TRPM3: variants seen among roughly 807,000 people sequenced by gnomAD.
TRPM3 encodes the protein transient receptor potential cation channel subfamily M member 3.
Under a neutral mutation model 181.2 loss-of-function variants are expected in TRPM3, and 77 were observed. That is an observed-to-expected ratio of 0.42 (90% confidence interval 0.35 to 0.51). The LOEUF (loss-of-function observed/expected upper bound fraction) is 0.51, where lower values mean the gene tolerates loss of function less well. Among genes scored for constraint, TRPM3 ranks in the 20% least tolerant of loss-of-function variants. The pLI, the probability that TRPM3 is intolerant of heterozygous loss-of-function variation, is 0.01. For synonymous variants in TRPM3, 745 were observed against 796.4 expected (o/e 0.94, Z 1.09); for missense variants, 1,759 against 2,196.7 (o/e 0.80, Z 3.98).
chr9:71,034,539 T>G (rs1477034623), intron 1 of TRPM3, among the ~76,000 whole-genome samples: 1 of 151,762 alleles, frequency 6.6e-6, no homozygotes, highest in Non-Finnish European at 1.5e-5. Context: ...ATATCTAGGG[T>G]GTAAGGGTGG....
At chr9:70,822,122 T>C (rs932283873) in intron 6 of TRPM3, among the ~76,000 whole-genome samples, 1 of 152,222 alleles carries the variant, frequency 6.6e-6, no homozygotes, top group African/African-American at 2.4e-5. Flanking sequence ...CACCTTATCT[T>C]TCCACCAGAA....
chr9:70,810,892 T>C (rs1469761495), intron 6 of TRPM3, among the ~76,000 whole-genome samples: 2 of 152,174 alleles, frequency 1.3e-5, no homozygotes, highest in East Asian at 3.9e-4. Context: ...ATAGTATATA[T>C]GAAAATGCCT....
rs562004998 is a variant in TRPM3, at chr9:71,160,227, C to G, written c.183+286426G>C. Among the ~76,000 whole-genome samples the G allele has an allele frequency of 2.0e-5, 3 of 152,236 alleles. No homozygotes were observed. In the East Asian group the frequency reaches 5.8e-4, roughly 29 times the overall value. ...TCAAATCTTTGCTCAAATATCACTT[C>G]AATTCTCAATGAATTATTCTTGACC... is the stretch of plus-strand genomic sequence containing the variant. On this transcript the variant is annotated intron_variant, in intron 1 of 24. Coordinates refer to the TRPM3 transcript ENST00000357533.
intron 1 of TRPM3, among the ~76,000 whole-genome samples, chr9:71,008,213 A>C (rs1314779356): frequency 2.0e-5 from 3 of 152,144 alleles, no homozygotes; most frequent in Non-Finnish European, 4.4e-5. Context: ...CCAAGATTAA[A>C]TAATGAAAAA....
At chr9:70,652,122 AG>A (rs1331509073) in intron 9 of TRPM3, among the ~76,000 whole-genome samples, 1 of 152,186 alleles carries the variant, frequency 6.6e-6, no homozygotes, top group Non-Finnish European at 1.5e-5. Context: ...TCTTGGACAA[AG>A]GGAGGAATGT....
At chr9:71,239,845 T>C (rs2081563636) in intron 1 of TRPM3, among the ~76,000 whole-genome samples, 1 of 152,138 alleles carries the variant, frequency 6.6e-6, no homozygotes, top group South Asian at 2.1e-4. Context: ...AGTACTTAAG[T>C]GTACCAAATA....
chr9:71,094,914 G>T (rs982027187), intron 1 of TRPM3, among the ~76,000 whole-genome samples: 4 of 152,134 alleles, frequency 2.6e-5, no homozygotes, highest in African/African-American at 7.2e-5. Flanking sequence ...TACAGTTAGG[G>T]TTTACAGCAA....
intron 8 of TRPM3, among the ~76,000 whole-genome samples, chr9:70,750,008 A>G (rs1166960713): frequency 6.6e-6 from 1 of 152,208 alleles, no homozygotes; most frequent in Non-Finnish European, 1.5e-5. Context: ...ATAACCAACT[A>G]ATTCTAGCAG....
chr9:70,807,793 G>A (rs2091029376), intron 6 of TRPM3, among the ~76,000 whole-genome samples: 1 of 152,130 alleles, frequency 6.6e-6, no homozygotes. Context: ...CACAGCAAGA[G>A]CATGGAGGAT....
chr9:71,115,720 C>T (rs912795707), intron 1 of TRPM3, among the ~76,000 whole-genome samples: 1 of 152,146 alleles, frequency 6.6e-6, no homozygotes, highest in Non-Finnish European at 1.5e-5. Flanking sequence ...ACTTGGATGT[C>T]CCAGCCATTT....
intron 1 of TRPM3, among the ~76,000 whole-genome samples, chr9:71,227,058 G>A (rs1199406697): frequency 6.5e-5 from 9 of 137,658 alleles, no homozygotes; most frequent in African/African-American, 1.4e-4. Context: ...GCAGTGAGCC[G>A]AGATCATGCC....
intron 1 of TRPM3, among the ~76,000 whole-genome samples, chr9:71,081,776 C>G (rs1210102317): frequency 6.6e-6 from 1 of 152,090 alleles, no homozygotes; most frequent in African/African-American, 2.4e-5. Context: ...AATCATTACC[C>G]TCTGCTTTTC....
chr9:71,138,588 T>C (rs1421799865), intron 1 of TRPM3, among the ~76,000 whole-genome samples: 1 of 152,184 alleles, frequency 6.6e-6, no homozygotes, highest in Non-Finnish European at 1.5e-5. Context: ...GGTCCAATTG[T>C]TGAACTGTAC....
intron 1 of TRPM3, among the ~76,000 whole-genome samples, chr9:70,936,270 T>C (rs1258992377): frequency 1.3e-5 from 2 of 152,230 alleles, no homozygotes; most frequent in Non-Finnish European, 2.9e-5. Flanking sequence ...TTTGCCTTGA[T>C]TGAACTTTCA....
At chr9:71,423,745 T>C (rs1256778779) in intron 1 of TRPM3, among the ~76,000 whole-genome samples, 1 of 152,154 alleles carries the variant, frequency 6.6e-6, no homozygotes, top group Non-Finnish European at 1.5e-5. Context: ...CCTATTTGCC[T>C]GAAAGCAGAA....
intron 1 of TRPM3, among the ~76,000 whole-genome samples, chr9:71,005,579 A>G (rs2097664650): frequency 6.6e-6 from 1 of 152,190 alleles, no homozygotes; most frequent in African/African-American, 2.4e-5. Context: ...CATTCAGCAA[A>G]CTTTTCAGCA....
chr9:71,400,207 C>T (rs2131374859), intron 1 of TRPM3, among the ~76,000 whole-genome samples: 1 of 152,282 alleles, frequency 6.6e-6, no homozygotes, highest in African/African-American at 2.4e-5. Context: ...GCAATCCACG[C>T]ACCTCAGTCT....
chr9:70,823,600 C>T (rs2093348709), intron 6 of TRPM3, among the ~76,000 whole-genome samples: 1 of 152,192 alleles, frequency 6.6e-6, no homozygotes, highest in Non-Finnish European at 1.5e-5. Context: ...CTGATAGATG[C>T]TTTACTCTGC....
intron 1 of TRPM3, among the ~76,000 whole-genome samples, chr9:71,405,127 C>T (rs77582196): frequency 0.014 from 2,139 of 152,292 alleles, 45 homozygotes; most frequent in East Asian, 0.084. Context: ...TTTCTTGCCT[C>T]ATACGAATTA....
Sources: gnomAD v4.1 joint callset for allele counts (sites outside exome capture counted in the v4.1 genomes callset) on GRCh38, gnomAD v4.1.1 for gene constraint, MANE v1.5 for transcripts, NCBI Gene and HGNC (gene_info 2026-07-23, HGNC 2026-07-21) for gene names.